The following UBE2E2 variants were observed in gnomAD, a reference collection of about 807,000 sequenced individuals.
The protein encoded by UBE2E2 is ubiquitin-conjugating enzyme E2 E2.
UBE2E2 carries 6 observed loss-of-function variants against 24.7 expected under a neutral mutation model. The ratio of observed to expected loss-of-function variants is 0.24; its 90% CI spans 0.13 to 0.48. UBE2E2 has a LOEUF of 0.48. Ranked by LOEUF, UBE2E2 falls within the 20% of genes least tolerant of loss-of-function variation. UBE2E2 has a pLI of 0.99. For synonymous variants in UBE2E2, 104 were observed against 83.6 expected, an observed-to-expected ratio of 1.24 and a Z score of -1.33; for missense variants, 169 against 245.0, an observed-to-expected ratio of 0.69 and a Z score of 2.07.
chr3:23,504,014 A>C (rs1270232631), intron 4 of UBE2E2, among the ~76,000 whole-genome samples: 1 of 146,902 alleles, frequency 6.8e-6, no homozygotes, highest in Non-Finnish European at 1.5e-5. Context: ...AGGGAAAAAA[A>C]TTTGCCTGTA....
Position 23,493,157 on chromosome 3 carries a change from T to C in UBE2E2, c.228-6451T>C, listed in dbSNP as rs13314364. On this transcript the variant is annotated intron_variant, in intron 3 of 5. Transcript: ENST00000396703. ...TCCTTCCTCTTTACCTGTCCCAAAG[T>C]CAGTGTTAAGTGAAAAAGCAGTAGA... 6.6e-3 allele frequency among the ~76,000 whole-genome samples: 999 copies of C among 152,230 alleles called. 9 individuals are homozygous for C. Among genetic ancestry groups the C allele is most frequent in the African/African-American group, 0.023 (939 of 41,536 alleles).
chr3:23,504,103 C>T (rs977669034), intron 4 of UBE2E2, among the ~76,000 whole-genome samples: 4 of 152,056 alleles, frequency 2.6e-5, no homozygotes, highest in Admixed American at 2.0e-4. Flanking sequence ...GTATCATATA[C>T]ATATAAATAT....
At chr3:23,427,076 ATTAGTT>A (rs1260077296) in intron 3 of UBE2E2, among the ~76,000 whole-genome samples, 6 of 152,056 alleles carry the variant, frequency 3.9e-5, no homozygotes, top group African/African-American at 1.4e-4. Context: ...GTAGGCTTCG[ATTAGTT>A]TTAAAGGTAT....
intron 3 of UBE2E2, among the ~76,000 whole-genome samples, chr3:23,480,952 G>T (rs531132139): frequency 6.6e-6 from 1 of 151,822 alleles, no homozygotes; most frequent in Non-Finnish European, 1.5e-5. Context: ...TTTTGTTGGC[G>T]GTCTAGAAAC....
At position 23,473,925 on chromosome 3, in the gene UBE2E2, C is replaced by T. The variant is rs543034943; in HGVS notation, c.228-25683C>T. Among the ~76,000 whole-genome samples, 24 of 152,058 alleles carry T rather than the reference C, an allele frequency of 1.6e-4. 1 individual carries two copies. The highest frequency in any genetic ancestry group is 2.4e-4 in the Non-Finnish European group (16 of 67,998). The stretch of plus-strand genomic sequence containing the variant: ...TTTCCTCTGGGTAAATACCCAGTAG[C>T]GGGATTGCTGGATCAAATGGTAGTT... On this transcript the variant is annotated intron_variant, in intron 3 of 5. Transcript: ENST00000396703.
intron 3 of UBE2E2, among the ~76,000 whole-genome samples, chr3:23,314,414 G>A (rs2125281368): frequency 6.8e-6 from 1 of 147,548 alleles, no homozygotes; most frequent in East Asian, 2.0e-4. Context: ...ACAGGTGTGA[G>A]CCACTGTGGC....
chr3:23,507,245 A>G (rs73139763), intron 4 of UBE2E2, among the ~76,000 whole-genome samples: 6,355 of 151,628 alleles, frequency 0.042, 447 homozygotes, highest in African/African-American at 0.15. Flanking sequence ...ACAAATTCCA[A>G]CCTCCTTAGG....
At chr3:23,225,209 T>C (rs539200811) in intron 3 of UBE2E2, among the ~76,000 whole-genome samples, 1 of 152,052 alleles carries the variant, frequency 6.6e-6, no homozygotes, top group African/African-American at 2.4e-5. Context: ...ACATCAGATA[T>C]ATAATTTGCA....
intron 3 of UBE2E2, among the ~76,000 whole-genome samples, chr3:23,273,372 A>G (rs1388449957): frequency 6.7e-6 from 1 of 149,818 alleles, no homozygotes; most frequent in East Asian, 1.9e-4. Flanking sequence ...CTAAAAATAC[A>G]AAAAAAAAAT....
intron 5 of UBE2E2, among the ~76,000 whole-genome samples, chr3:23,550,037 A>AT: frequency 6.6e-6 from 1 of 152,136 alleles, no homozygotes; most frequent in Non-Finnish European, 1.5e-5. Flanking sequence ...CATCTCAAAA[A>AT]AAAAAAAAAA....
chr3:23,230,368 C>T (rs923053312), intron 3 of UBE2E2, among the ~76,000 whole-genome samples: 6 of 152,064 alleles, frequency 3.9e-5, no homozygotes, highest in Non-Finnish European at 7.4e-5. Flanking sequence ...TATTCAGTCC[C>T]GATAGTTCAA....
chr3:23,324,325 TTAAAAA>T (rs1397477104), intron 3 of UBE2E2, among the ~76,000 whole-genome samples: 1 of 152,124 alleles, frequency 6.6e-6, no homozygotes, highest in Non-Finnish European at 1.5e-5. Context: ...CTAAATTTGT[TTAAAAA>T]TAAAAATCCT....
intron 3 of UBE2E2, among the ~76,000 whole-genome samples, chr3:23,436,807 T>C (rs1698195785): frequency 6.6e-6 from 1 of 152,240 alleles, no homozygotes; most frequent in Non-Finnish European, 1.5e-5. Flanking sequence ...TCTCCATTTG[T>C]ATCTCCGACA....
rs201995906 is a variant in UBE2E2 at position 23,350,501 on chromosome 3, G to A, written c.227+133189G>A. On this transcript the variant is annotated intron_variant, in intron 3 of 5. Transcript: ENST00000396703. Reference sequence around the variant, plus strand: ...AAAAAACTTTGAAAAAAATTTAGACGAATGTATAACTAGAATAACCAATAC... The same window carrying A: ...AAAAAACTTTGAAAAAAATTTAGACAAATGTATAACTAGAATAACCAATAC... Among the ~76,000 whole-genome samples, 72 of 152,262 alleles carry A rather than the reference G, an allele frequency of 4.7e-4. No homozygotes were observed. The East Asian group carries it at 6.2e-3, about 13-fold the overall frequency.
At chr3:23,532,449 C>G in intron 4 of UBE2E2, 105 bp from the exon 5 acceptor site, 1 of 995,982 alleles carries the variant, frequency 1.0e-6, no homozygotes, top group Non-Finnish European at 1.4e-6. Flanking sequence ...ATAGCCTGGG[C>G]TATTTTGTCT....
chr3:23,507,525 G>A (rs1694485208), intron 4 of UBE2E2, among the ~76,000 whole-genome samples: 1 of 152,264 alleles, frequency 6.6e-6, no homozygotes, highest in Admixed American at 6.5e-5. Context: ...TGTGCCCTAA[G>A]CAAAATGTTT....
rs763694105 is a variant in UBE2E2, at chr3:23,217,238, A to G, written c.177-24A>G. On this transcript the variant is annotated intron_variant, in intron 2 of 5. Coordinates refer to ENST00000396703, the MANE Select transcript of UBE2E2 (RefSeq NM_152653.4). ...TAAGAGTGAAGATATTTTTAACATA[A>G]TGTTCTTTGTCTTTATTTTAAAGAA... is the stretch of plus-strand genomic sequence containing the variant. 6.9e-6 allele frequency: 11 copies of G among 1,599,708 alleles called. 1 individual carries two copies. In the Admixed American group the frequency reaches 1.7e-4, roughly 24 times the overall value.
At position 23,223,194 on chromosome 3, in the gene UBE2E2, AT is replaced by A. The variant is rs35538160; in HGVS notation, c.227+5898del. Among the ~76,000 whole-genome samples the A allele has an allele frequency of 6.9e-3, 849 of 122,738 alleles. 5 individuals carry two copies. Among genetic ancestry groups the A allele is most frequent in the East Asian group, 0.019 (81 of 4,238 alleles). 80.5% of individuals were successfully genotyped at this position (122,738 alleles called of 152,430 possible). On this transcript the variant is annotated intron_variant, in intron 3 of 5. Coordinates refer to ENST00000396703, the MANE Select transcript of UBE2E2 (RefSeq NM_152653.4). ...GCCACCATGCTCAGCTGATTTTTGTATTTTTTTTTTTTTTTTGAGATGGAGA... is the reference window on the plus strand; with the variant it reads ...GCCACCATGCTCAGCTGATTTTTGTATTTTTTTTTTTTTTTGAGATGGAGA...
intron 3 of UBE2E2, among the ~76,000 whole-genome samples, chr3:23,346,237 T>C (rs559939167): frequency 1.3e-5 from 2 of 152,338 alleles, no homozygotes; most frequent in South Asian, 2.1e-4. Flanking sequence ...TAGTGTTCTT[T>C]AATTAAAATA....
Sources: allele counts gnomAD v4.1 joint callset (sites outside exome capture counted in the v4.1 genomes callset), GRCh38; gene constraint gnomAD v4.1.1; transcripts MANE v1.5; gene names NCBI Gene and HGNC (gene_info 2026-07-23, HGNC 2026-07-21).